Variants in TRDN observed in about 807,000 individuals in gnomAD.
TRDN encodes triadin in skeletal muscle.
TRDN carries 161 observed loss-of-function variants against 149.7 expected under a neutral mutation model. The ratio of observed to expected loss-of-function variants is 1.08; its 90% CI spans 0.95 to 1.23. TRDN has a LOEUF of 1.23. TRDN is among the 50% of genes most tolerant of loss of function. The pLI is 0.00. For missense variants in TRDN, 896 were observed against 823.5 expected (o/e 1.09, Z -1.08); for synonymous variants, 294 against 250.5 (o/e 1.17, Z -1.64).
chr6:123,535,731 T>C (rs1045605362), intron 4 of TRDN, among the ~76,000 whole-genome samples: 1 of 152,148 alleles, frequency 6.6e-6, no homozygotes, highest in Non-Finnish European at 1.5e-5. Flanking sequence ...TGAGAATAAA[T>C]AAAAACTAGT....
chr6:123,231,102 A>G (rs961582557), intron 38 of TRDN, among the ~76,000 whole-genome samples: 3 of 152,072 alleles, frequency 2.0e-5, no homozygotes, highest in African/African-American at 7.2e-5. Flanking sequence ...ACTTTCCTCA[A>G]CATCAAGACC....
chr6:123,223,190 G>A (rs531654970), intron 39 of TRDN, among the ~76,000 whole-genome samples: 1 of 151,806 alleles, frequency 6.6e-6, no homozygotes, highest in East Asian at 2.0e-4. Flanking sequence ...TGCAGGAACA[G>A]AAATCCATAT....
chr6:123,418,501 C>T (rs1159558514), intron 12 of TRDN: 1 of 152,154 alleles, frequency 6.6e-6, no homozygotes, highest in Non-Finnish European at 1.5e-5. Context: ...ATACAACATA[C>T]TTTCATCCCA....
chr6:123,526,671 C>T (rs982864142), intron 5 of TRDN, among the ~76,000 whole-genome samples: 6 of 151,874 alleles, frequency 4.0e-5, no homozygotes, highest in Admixed American at 3.3e-4. Context: ...GTATTTCATC[C>T]ATAGTAGATA....
chr6:123,592,437 C>A (rs780276144), intron 1 of TRDN, among the ~76,000 whole-genome samples: 1 of 152,108 alleles, frequency 6.6e-6, no homozygotes, highest in Non-Finnish European at 1.5e-5. Context: ...GGGGACTCAA[C>A]CTTGTATTAC....
At chr6:123,575,570 T>C (rs1312946162) in intron 1 of TRDN, among the ~76,000 whole-genome samples, 1 of 151,880 alleles carries the variant, frequency 6.6e-6, no homozygotes, top group Non-Finnish European at 1.5e-5. Flanking sequence ...AGCTAGGATA[T>C]GTAAAGCACT....
intron 19 of TRDN, among the ~76,000 whole-genome samples, chr6:123,372,975 G>T (rs113920139): frequency 6.6e-6 from 1 of 150,806 alleles, no homozygotes; most frequent in Non-Finnish European, 1.5e-5. Flanking sequence ...CAGCATCCCT[G>T]CCTAGCCCAA....
intron 33 of TRDN, 43 bp from the exon 34 acceptor site, chr6:123,260,681 A>C: frequency 7.2e-7 from 1 of 1,393,838 alleles, no homozygotes; most frequent in Non-Finnish European, 9.5e-7. Flanking sequence ...GAAAGGAAAA[A>C]AAATAAAAAG....
At chr6:123,280,754 T>A (rs1777554447) in intron 24 of TRDN, among the ~76,000 whole-genome samples, 1 of 151,888 alleles carries the variant, frequency 6.6e-6, no homozygotes. Flanking sequence ...TCCTTTTATG[T>A]GCTAATACTA....
intron 12 of TRDN, among the ~76,000 whole-genome samples, chr6:123,426,997 T>C (rs1774148603): frequency 6.6e-6 from 1 of 152,104 alleles, no homozygotes; most frequent in South Asian, 2.1e-4. Context: ...TTAAACTTTC[T>C]TTCCTACCTT....
At chr6:123,547,290 A>G in intron 4 of TRDN, 50 bp downstream of exon 4, 3 of 1,175,022 alleles carry the variant, frequency 2.6e-6, no homozygotes, top group Non-Finnish European at 2.3e-6. Flanking sequence ...CTGAAAACCA[A>G]TATTACCATA....
chr6:123,246,179 T>C (rs552648478), intron 38 of TRDN, among the ~76,000 whole-genome samples: 32 of 152,066 alleles, frequency 2.1e-4, no homozygotes, highest in Admixed American at 4.6e-4. Context: ...TTAAAAGAAC[T>C]AGAGAAACAA....
chr6:123,525,158 AG>A (rs1192008743), intron 5 of TRDN, among the ~76,000 whole-genome samples: 1 of 152,102 alleles, frequency 6.6e-6, no homozygotes, highest in African/African-American at 2.4e-5. Context: ...ATCTTAAAGA[AG>A]TAAAAATAAA....
intron 10 of TRDN, among the ~76,000 whole-genome samples, chr6:123,441,474 T>C (rs1357486912): frequency 1.3e-5 from 2 of 152,214 alleles, no homozygotes; most frequent in African/African-American, 4.8e-5. Flanking sequence ...AATATTACCT[T>C]TCCCTGACAA....
intron 12 of TRDN, chr6:123,433,813 C>T (rs1321244759): frequency 1.3e-5 from 2 of 152,166 alleles, no homozygotes; most frequent in African/African-American, 2.4e-5. Flanking sequence ...AACCCAAGAG[C>T]AATGGGTCAT....
At chr6:123,591,049 G>C (rs1783754083) in intron 1 of TRDN, among the ~76,000 whole-genome samples, 1 of 151,988 alleles carries the variant, frequency 6.6e-6, no homozygotes, top group Admixed American at 6.6e-5. Context: ...ATATAAATTT[G>C]TCAGTAATAT....
intron 14 of TRDN, among the ~76,000 whole-genome samples, chr6:123,382,709 A>G (rs1781766316): frequency 6.6e-6 from 1 of 151,998 alleles, no homozygotes; most frequent in South Asian, 2.1e-4. Flanking sequence ...ACATCACTAT[A>G]TTTATAACTG....
intron 19 of TRDN, among the ~76,000 whole-genome samples, chr6:123,374,199 T>G (rs1781424413): frequency 6.6e-6 from 1 of 152,210 alleles, no homozygotes; most frequent in African/African-American, 2.4e-5. Context: ...CTGCAAAATA[T>G]GCTGATCTCT....
Position 123,270,579 on chromosome 6 carries a change from A to G in TRDN, c.1720+560T>C, listed in dbSNP as rs138500485. On this transcript the variant is annotated intron_variant, in intron 30 of 40. Coordinates refer to ENST00000334268, the MANE Select transcript of TRDN (RefSeq NM_006073.4). ...AGACTCATAAGTTTTCTTTTTCCTTACAGGAAAAACTTCTGAATTGCAAGA... is the reference window on the plus strand; with the variant it reads ...AGACTCATAAGTTTTCTTTTTCCTTGCAGGAAAAACTTCTGAATTGCAAGA... 1.8e-3 allele frequency among the ~76,000 whole-genome samples: 276 copies of G among 152,030 alleles called. 1 individual carries two copies. The highest frequency in any genetic ancestry group is 6.6e-3 in the African/African-American group (275 of 41,518).
Sources: gnomAD v4.1 joint callset for allele counts (sites outside exome capture counted in the v4.1 genomes callset) on GRCh38, gnomAD v4.1.1 for gene constraint, MANE v1.5 for transcripts, NCBI Gene and HGNC (gene_info 2026-07-23, HGNC 2026-07-21) for gene names.